HMGB3: variants seen among roughly 807,000 people sequenced by gnomAD.
The protein encoded by HMGB3 is high mobility group protein B3.
Under a neutral mutation model 12.9 loss-of-function variants are expected in HMGB3, and 1 was observed. That is an observed-to-expected ratio of 0.08 (90% CI 0.03 to 0.37). The LOEUF (loss-of-function observed/expected upper bound fraction) is 0.37. Among genes scored for constraint, HMGB3 ranks in the 10% least tolerant of loss-of-function variants. The probability of loss-of-function intolerance (pLI) is 0.99; values close to 1 mark genes in which losing one functional copy is unlikely to be tolerated. For synonymous variants in HMGB3, 61 were observed against 53.9 expected (o/e 1.13, Z -0.57); for missense variants, 74 against 153.3 (o/e 0.48, Z 2.73).
At position 150,983,403 on chromosome X, in the gene HMGB3, CGCCGCCGCCGCCGCCG is replaced by C. The variant is rs1231135738; in HGVS notation, c.-6+28_-6+43del. On this transcript the variant is annotated intron_variant, in intron 1 of 4. Coordinates refer to ENST00000325307, the MANE Select transcript of HMGB3 (RefSeq NM_005342.4). ...TACGTCTCGCACCGCCCGCTCCCGC[CGCCGCCGCCGCCGCCG>C]CCGCCGCCGCCGCCGCCGCCGCCGC... is the stretch of plus-strand genomic sequence containing the variant. The C allele has an allele frequency of 1.8e-3, 15 of 8,142 alleles. No individual in the cohort carries two copies. In the East Asian group the frequency reaches 0.35, roughly 191 times the overall value. The allele number at this position is 8,142 out of a possible 1,213,427, so 0.7% of individuals were successfully genotyped here. A position where few individuals can be genotyped will look rare whatever the true frequency, so the allele number is the denominator to read the frequency against.
Position 150,983,396 on chromosome X carries a change from C to G in HMGB3, c.-6+20C>G. ...ATACAGGTACGTCTCGCACCGCCCG[C>G]TCCCGCCGCCGCCGCCGCCGCCGCC... is the stretch of plus-strand genomic sequence containing the variant. On this transcript the variant is annotated intron_variant, in intron 1 of 4. Transcript: ENST00000325307. 2 of 735,643 alleles carry G rather than the reference C, an allele frequency of 2.7e-6. No individual in the cohort carries two copies. The highest frequency in any genetic ancestry group is 1.6e-6 in the Non-Finnish European group (1 of 635,101). 60.6% of individuals were successfully genotyped at this position (735,643 alleles called of 1,213,427 possible).
In HMGB3 at chrX:150,983,358, A is replaced by G; in HGVS notation, c.-24A>G. On this transcript the variant is annotated 5_prime_UTR_variant, in exon 1 of 5. Coordinates refer to ENST00000325307, the MANE Select transcript of HMGB3 (RefSeq NM_005342.4). ...CCGCGCGTCGTGCCCTGCGCTGCCC[A>G]GACTAGCGAACAATACAGGTACGTC... The G allele has an allele frequency of 6.6e-6, 5 of 756,005 alleles. No homozygotes were observed. The highest frequency in any genetic ancestry group is 6.5e-5 in the South Asian group (1 of 15,497). The allele number at this position is 756,005 out of a possible 1,213,427, so 62.3% of individuals were successfully genotyped here.
rs2048062006 is a variant in HMGB3, at chrX:150,987,143, G to A, written c.306G>A (p.Leu102=). The stretch of plus-strand genomic sequence containing the variant: ...TTCTTCCAAGGTCTGGATTCTTCCT[G>A]TTCTGTTCAGAATTCCGCCCCAAGA... The part of the protein sequence containing the change: ...APKRPPSGFF[L]FCSEFRPKIK... The change falls in exon 4 of 5, where the codon CTG becomes CTA. Residue 102 remains leucine, a synonymous_variant. Transcript: ENST00000325307. 2 of 1,206,854 alleles carry A rather than the reference G, an allele frequency of 1.7e-6. No individual in the cohort carries two copies. The highest frequency in any genetic ancestry group is 1.1e-6 in the Non-Finnish European group (1 of 892,540).
At chrX:150,985,237 T>A (rs1177696980) in intron 1 of HMGB3, among the ~76,000 whole-genome samples, 2 of 111,840 alleles carry the variant, frequency 1.8e-5, no homozygotes, top group Non-Finnish European at 3.8e-5. Flanking sequence ...CCCCACCAAA[T>A]GTGTCCTCTC....
intron 4 of HMGB3, among the ~76,000 whole-genome samples, 199 bp from the exon 5 acceptor site, chrX:150,987,578 C>T (rs1167251655): frequency 3.6e-5 from 4 of 111,626 alleles, no homozygotes; most frequent in Admixed American, 2.9e-4. Context: ...ACTTGAAGGA[C>T]ACTTGAACAC....
chrX:150,980,891 C>G (rs782660274), upstream of HMGB3, among the ~76,000 whole-genome samples: 22 of 112,676 alleles, frequency 2.0e-4, no homozygotes, highest in African/African-American at 7.1e-4. Context: ...AAGGGCCCAC[C>G]ACCCTGGTTC....
intron 1 of HMGB3, 22 bp downstream of exon 1, chrX:150,983,398 CCCGCCGCCGCCGCCGCCG>C (rs782215936): frequency 0.18 from 122,982 of 689,636 alleles, 5,955 homozygotes; most frequent in East Asian, 0.38. Context: ...ACCGCCCGCT[CCCGCCGCCGCCGCCGCCG>C]CCGCCGCCGC....
At position 150,985,767 on chromosome X, in the gene HMGB3, C is replaced by T; in HGVS notation, c.150+18C>T. The T allele has an allele frequency of 8.4e-7, 1 of 1,187,383 alleles. No individual in the cohort carries two copies. Among genetic ancestry groups the T allele is most frequent in the African/African-American group, 1.7e-5 (1 of 57,158 alleles). On this transcript the variant is annotated intron_variant, in intron 2 of 4. Transcript: ENST00000325307. ...GGTGGAAGGTATTTTTCTTTGGTAC[C>T]CTTCAAACTAGTCTTAGTTGGGTTT... is the stretch of plus-strand genomic sequence containing the variant.
chrX:150,981,761 C>G, upstream of HMGB3, among the ~76,000 whole-genome samples: 1 of 111,561 alleles, frequency 9.0e-6, no homozygotes, highest in Non-Finnish European at 1.9e-5. Flanking sequence ...TGGCCTCTAT[C>G]TTTGCCTTTT....
rs782401625 is a variant in HMGB3, at chrX:150,989,826, T to C, written c.*1912T>C. ...TTCACTGTTGAGAAACTTGCATGTC[T>C]GGAGGCGGTGTCCTCTCCGCCCTGT... On this transcript the variant is annotated 3_prime_UTR_variant, in exon 5 of 5. Coordinates refer to ENST00000325307, the MANE Select transcript of HMGB3 (RefSeq NM_005342.4). The C allele has an allele frequency of 1.8e-5, 2 of 112,003 alleles. No homozygotes were observed. Among genetic ancestry groups the C allele is most frequent in the Non-Finnish European group, 3.8e-5 (2 of 53,253 alleles). 9.2% of individuals were successfully genotyped at this position (112,003 alleles called of 1,213,427 possible).
rs782540674 is a variant in HMGB3 at position 150,987,796 on chromosome X, C to T, written c.485C>T (p.Ser162Leu). 3.3e-6 allele frequency: 4 copies of T among 1,203,705 alleles called. No homozygotes were observed. The South Asian group carries it at 5.4e-5, about 16-fold the overall frequency. Residue 162 changes from serine to leucine, a missense_variant, in exon 5 of 5, where the codon TCG (serine) becomes TTG (leucine). Coordinates refer to ENST00000325307, the MANE Select transcript of HMGB3 (RefSeq NM_005342.4). ...KYEKDVADYK[S>L]KGKFDGAKGP... ...CTCTAGGATGTTGCTGACTATAAGT[C>T]GAAAGGAAAGTTTGATGGTGCAAAG...
At chrX:150,983,071 C>T (rs1436071779), upstream of HMGB3, among the ~76,000 whole-genome samples, 9 of 112,541 alleles carry the variant, frequency 8.0e-5, no homozygotes, top group African/African-American at 1.9e-4. Context: ...AGTTCTGTTC[C>T]CCGAGGGGGC....
At chrX:150,984,361 G>A (rs1333682826) in intron 1 of HMGB3, among the ~76,000 whole-genome samples, 1 of 96,662 alleles carries the variant, frequency 1.0e-5, no homozygotes, top group Admixed American at 1.0e-4. Context: ...GCCGACGGGC[G>A]GGCGGCGGCG....
chrX:150,983,528 A>C (rs1557425146), intron 1 of HMGB3, 152 bp downstream of exon 1: 1 of 727,205 alleles, frequency 1.4e-6, no homozygotes, highest in African/African-American at 2.4e-5. Context: ...TCTACTCCCC[A>C]TTCCCTTCCC....
chrX:150,983,461 G>A, intron 1 of HMGB3, 85 bp downstream of exon 1: 1 of 743,545 alleles, frequency 1.3e-6, no homozygotes, highest in Admixed American at 9.0e-5. Context: ...CGCAGCGCCC[G>A]CACAACTTTC....
Position 150,987,976 on chromosome X carries a change from T to A in HMGB3, c.*62T>A. On this transcript the variant is annotated 3_prime_UTR_variant, in exon 5 of 5. Coordinates refer to ENST00000325307, the MANE Select transcript of HMGB3 (RefSeq NM_005342.4). ...GTAGGGGAGCGCCGTAATTGACACA[T>A]CTCTTATTTGAGAAGTGTCTGTTGC... 1 of 1,135,895 alleles carries A rather than the reference T, an allele frequency of 8.8e-7. No individual in the cohort carries two copies. The highest frequency in any genetic ancestry group is 1.2e-6 in the Non-Finnish European group (1 of 860,071). The allele number at this position is 1,135,895 out of a possible 1,213,427, so 93.6% of individuals were successfully genotyped here.
chrX:150,984,495 C>T (rs1262379307), intron 1 of HMGB3: 1 of 195,478 alleles, frequency 5.1e-6, no homozygotes, highest in Non-Finnish European at 7.6e-6. Flanking sequence ...CCGCGGCTGC[C>T]GCCGGCCCGG....
upstream of HMGB3, among the ~76,000 whole-genome samples, chrX:150,983,032 G>A (rs1228081832): frequency 1.8e-5 from 2 of 112,908 alleles, no homozygotes; most frequent in African/African-American, 6.4e-5. Context: ...GAATCGCAGG[G>A]CCACCTCTTC....
chrX:150,980,738 G>A, upstream of HMGB3: 1 of 280,955 alleles, frequency 3.6e-6, no homozygotes, highest in Non-Finnish European at 4.9e-6. Flanking sequence ...GGCCAGTTTG[G>A]GTTGGGAGAT....
Sources: allele counts gnomAD v4.1 joint callset (sites outside exome capture counted in the v4.1 genomes callset), GRCh38; gene constraint gnomAD v4.1.1; transcripts MANE v1.5; gene names NCBI Gene and HGNC (gene_info 2026-07-23, HGNC 2026-07-21).